The following ZNF676 variants were observed in gnomAD, a reference collection of about 807,000 sequenced individuals.
The protein encoded by ZNF676 is zinc finger protein 676.
In ZNF676, 4 loss-of-function variants were observed where a neutral mutation model predicts 6.0. That is an observed-to-expected ratio of 0.67 (90% CI 0.33 to 1.53). ZNF676 has a LOEUF of 1.53. ZNF676 is among the 40% of genes most tolerant of loss of function. The pLI is 0.06. For synonymous variants in ZNF676, 198 were observed against 223.1 expected, an observed-to-expected ratio of 0.89 and a Z score of 1.00; for missense variants, 644 against 679.7, an observed-to-expected ratio of 0.95 and a Z score of 0.58.
chr19:22,230,520 T>G, the ZNF676 span, among the ~76,000 whole-genome samples: 2 of 151,304 alleles, frequency 1.3e-5, no homozygotes, highest in African/African-American at 4.9e-5. Context: ...AAAAAAAGAA[T>G]GCTGAAGAGT....
intron 2 of ZNF676, among the ~76,000 whole-genome samples, chr19:22,186,962 T>G (rs1214647199): frequency 2.0e-5 from 3 of 152,136 alleles, no homozygotes; most frequent in Non-Finnish European, 4.4e-5. Context: ...CTGTCAATAT[T>G]AGACAGATAA....
rs184119584 is a variant in ZNF676, at chr19:22,181,440, C to A, written c.277G>T (p.Val93Leu). Residue 93 changes from valine to leucine, a missense_variant, in exon 3 of 3, where the codon GTG (valine) becomes TTG (leucine). Physicochemically the swap from Val to Leu is conservative, Grantham distance 32. This residue lies in a region of ZNF676 where 280 missense variants were observed against 269.3 expected (regional missense o/e 1.04). Transcript: ENST00000397121. ...ISCTNVDECNVHKEGYNKLNQ... is the reference protein window; with the variant it reads ...ISCTNVDECNLHKEGYNKLNQ... ...AGTTTATTATAACCTTCTTTGTGCA[C>A]GTTACACTCATCCACATTGGTACAA... is the stretch of plus-strand genomic sequence containing the variant. 1.9e-6 allele frequency: 3 copies of A among 1,613,672 alleles called. No individual in the cohort carries two copies. Among genetic ancestry groups the A allele is most frequent in the Non-Finnish European group, 1.7e-6 (2 of 1,179,788 alleles).
the ZNF676 span, among the ~76,000 whole-genome samples, chr19:22,231,105 G>C: frequency 6.6e-6 from 1 of 152,034 alleles, no homozygotes; most frequent in African/African-American, 2.4e-5. Context: ...AATTTTGAGA[G>C]TAAAATCTTT....
chr19:22,200,562 A>G (rs1599716360), upstream of ZNF676, among the ~76,000 whole-genome samples: 1 of 108,574 alleles, frequency 9.2e-6, no homozygotes, highest in South Asian at 3.2e-4. Context: ...TTTGTTGCGG[A>G]GGCTGGAGTG....
the ZNF676 span, among the ~76,000 whole-genome samples, chr19:22,248,883 C>T: frequency 2.6e-5 from 4 of 152,124 alleles, no homozygotes; most frequent in African/African-American, 4.8e-5. Flanking sequence ...GAACTTGCCA[C>T]CATGCCTGGC....
the ZNF676 span, chr19:22,259,940 CAGG>C: frequency 2.0e-5 from 3 of 152,186 alleles, no homozygotes; most frequent in African/African-American, 7.2e-5. Context: ...AGTGCCAAGG[CAGG>C]AGAATACTGT....
the ZNF676 span, among the ~76,000 whole-genome samples, chr19:22,234,894 T>C: frequency 6.7e-6 from 1 of 149,630 alleles, no homozygotes; most frequent in Non-Finnish European, 1.5e-5. Flanking sequence ...GTTAATGCCA[T>C]TGCACTCTAG....
At chr19:22,236,775 A>G in the ZNF676 span, among the ~76,000 whole-genome samples, 1 of 152,160 alleles carries the variant, frequency 6.6e-6, no homozygotes, top group South Asian at 2.1e-4. Context: ...TAGGTTTCCT[A>G]TCAATTTTAC....
At chr19:22,196,494 TTGTC>T (rs1167196877) in intron 1 of ZNF676, 102 bp downstream of exon 1, 143 of 1,593,676 alleles carry the variant, frequency 9.0e-5, no homozygotes, top group South Asian at 1.6e-4. Context: ...TCTTTTGTCT[TTGTC>T]TGTATTCTCG....
chr19:22,236,329 T>C, the ZNF676 span, among the ~76,000 whole-genome samples: 1 of 152,126 alleles, frequency 6.6e-6, no homozygotes, highest in Non-Finnish European at 1.5e-5. Flanking sequence ...TGGGACCCAC[T>C]TGATCAACTG....
the ZNF676 span, among the ~76,000 whole-genome samples, chr19:22,249,758 AC>A: frequency 3.9e-5 from 1 of 25,550 alleles, no homozygotes; most frequent in East Asian, 1.7e-3. Flanking sequence ...TATAAGTACA[AC>A]GGGTTTTTTT....
At chr19:22,206,636 C>T (rs956242918) in intron 1 of ZNF676, among the ~76,000 whole-genome samples, 2 of 151,866 alleles carry the variant, frequency 1.3e-5, no homozygotes, top group Non-Finnish European at 2.9e-5. Context: ...GATTGCACCA[C>T]TGCACTCCAG....
rs756365733 is a variant in ZNF676 at position 22,179,984 on chromosome 19, T to C, written c.1733A>G (p.Tyr578Cys). ...KAFKSSSTVS[Y>C]HKKIHTGENP is the part of the protein sequence containing the mutation. ...CTCTCCAGTATGAATTTTCTTATGA[T>C]AACTAACAGTTGAGGATGACTTAAA... The change falls in exon 3 of 3, where the codon TAT (tyrosine) becomes TGT (cysteine). Residue 578 changes from tyrosine (Y) to cysteine (C), a missense_variant. Coordinates refer to ENST00000397121, the MANE Select transcript of ZNF676 (RefSeq NM_001001411.3). The C allele has an allele frequency of 5.0e-6, 8 of 1,613,470 alleles. No homozygotes were observed. Among genetic ancestry groups the C allele is most frequent in the African/African-American group, 1.3e-5 (1 of 74,840 alleles).
In ZNF676 at chr19:22,215,580, G is replaced by C. The variant is rs145270911; in HGVS notation, c.3+52C>G. 4.1e-4 allele frequency: 662 copies of C among 1,602,314 alleles called. 1 individual carries two copies. The African/African-American group carries it at 8.1e-3, about 20-fold the overall frequency. On this transcript the variant is annotated intron_variant, in intron 1 of 3. Coordinates refer to the ZNF676 transcript ENST00000650058. ...GTCCCGCCACAGCCACTTCCCGCCG[G>C]TTCCAACCAGCCCAGGCCACTCTCT...
At chr19:22,210,544 A>T (rs2024118302) in intron 1 of ZNF676, among the ~76,000 whole-genome samples, 1 of 152,244 alleles carries the variant, frequency 6.6e-6, no homozygotes, top group African/African-American at 2.4e-5. Context: ...GAACCAAGAA[A>T]AAAGGTGGGA....
At chr19:22,220,447 G>GT (rs58160035), upstream of ZNF676, among the ~76,000 whole-genome samples, 1 of 143,204 alleles carries the variant, frequency 7.0e-6, no homozygotes, top group Non-Finnish European at 1.5e-5. Flanking sequence ...TGTCCTGGAC[G>GT]TTTTTTGTTG....
At chr19:22,247,952 T>A in the ZNF676 span, among the ~76,000 whole-genome samples, 1 of 141,672 alleles carries the variant, frequency 7.1e-6, no homozygotes, top group Non-Finnish European at 1.5e-5. Flanking sequence ...TGTGTCCAAG[T>A]GTTCTCATTG....
chr19:22,242,182 A>T, the ZNF676 span, among the ~76,000 whole-genome samples: 1 of 151,990 alleles, frequency 6.6e-6, no homozygotes, highest in African/African-American at 2.4e-5. Flanking sequence ...AGATGTATGT[A>T]ACAATCCCAT....
upstream of ZNF676, among the ~76,000 whole-genome samples, chr19:22,197,526 A>G (rs369096197): frequency 8.2e-4 from 124 of 152,044 alleles, 1 homozygote; most frequent in African/African-American, 2.8e-3. Context: ...TAAGCTCATC[A>G]GTATGCCAAT....
Sources: allele counts gnomAD v4.1 joint callset (sites outside exome capture counted in the v4.1 genomes callset), GRCh38; gene constraint gnomAD v4.1.1; regional missense constraint gnomAD v4.1.1; transcripts MANE v1.5; gene names NCBI Gene and HGNC (gene_info 2026-07-23, HGNC 2026-07-21).